SREK1: variants seen among roughly 807,000 people sequenced by gnomAD.
SREK1 encodes the protein splicing regulatory glutamine/lysine-rich protein 1.
In SREK1, 13 loss-of-function variants were observed where a neutral mutation model predicts 66.5. That is an observed-to-expected ratio of 0.20 (90% CI 0.13 to 0.31). SREK1 has a LOEUF of 0.31. Among genes scored for constraint, SREK1 ranks in the 10% least tolerant of loss-of-function variants. SREK1 has a pLI of 1.00. For missense variants in SREK1, 607 were observed against 769.6 expected, an observed-to-expected ratio of 0.79 and a Z score of 2.50; for synonymous variants, 265 against 263.5, an observed-to-expected ratio of 1.01 and a Z score of -0.05.
chr5:66,178,987 T>C lies in SREK1; in HGVS notation c.*119T>C. Reference sequence around the variant, plus strand: ...AGCATGAAGATAGGATCTAACAGCTTTTCCAGTTGTTAGATGACTTTGTGG... The same window carrying C: ...AGCATGAAGATAGGATCTAACAGCTCTTCCAGTTGTTAGATGACTTTGTGG... On this transcript the variant is annotated 3_prime_UTR_variant, in exon 12 of 12. Transcript: ENST00000334121. 1.8e-6 allele frequency: 2 copies of C among 1,140,834 alleles called. No homozygotes were observed. Among genetic ancestry groups the C allele is most frequent in the Non-Finnish European group, 2.3e-6 (2 of 860,116 alleles). 70.7% of individuals were successfully genotyped at this position (1,140,834 alleles called of 1,614,324 possible). A position where few individuals can be genotyped will look rare whatever the true frequency, so the allele number is the denominator to read the frequency against.
chr5:66,149,798 A>G (rs1561493006), intron 1 of SREK1, among the ~76,000 whole-genome samples: 1 of 152,212 alleles, frequency 6.6e-6, no homozygotes, highest in African/African-American at 2.4e-5. Flanking sequence ...AAGGACAGAA[A>G]CAGTGTTACC....
intron 1 of SREK1, among the ~76,000 whole-genome samples, chr5:66,145,597 CTTT>C (rs1319547251): frequency 6.6e-6 from 1 of 151,882 alleles, no homozygotes; most frequent in East Asian, 1.9e-4. Flanking sequence ...TTAAAATTTA[CTTT>C]TTAAGTTTTT....
chr5:66,144,336 T>C lies in SREK1; in HGVS notation c.-41T>C, dbSNP rs997643357. ...TCCCGGCTCCGTCGCTGACGCGTCG[T>C]AGACGTTGGGGAGCGGGAAGGCAAC... On this transcript the variant is annotated 5_prime_UTR_variant, in exon 1 of 12. Coordinates refer to ENST00000334121, the MANE Select transcript of SREK1 (RefSeq NM_001077199.3). The C allele has an allele frequency of 4.1e-6, 6 of 1,469,766 alleles. No homozygotes were observed. In the African/African-American group the frequency reaches 7.1e-5, roughly 17 times the overall value. 91.0% of individuals were successfully genotyped at this position (1,469,766 alleles called of 1,614,324 possible).
chr5:66,171,096 T>TA, intron 9 of SREK1, 149 bp downstream of exon 9: 2 of 997,472 alleles, frequency 2.0e-6, no homozygotes, highest in Non-Finnish European at 2.8e-6. Context: ...AGTAAACATT[T>TA]CTCTAGCAGA....
chr5:66,153,162 G>C (rs144315804), intron 1 of SREK1, among the ~76,000 whole-genome samples: 10 of 152,242 alleles, frequency 6.6e-5, no homozygotes, highest in African/African-American at 2.4e-4. Context: ...CACTTTTTGA[G>C]TTAATTTTTG....
At position 66,162,173 on chromosome 5, in the gene SREK1, C is replaced by T. The variant is rs767637791; in HGVS notation, c.476C>T (p.Thr159Ile). The stretch of plus-strand genomic sequence containing the variant: ...GCAGCACTAGACCCCAACATTGCAA[C>T]ACTTGGAGAGATACCACAGCCACCA... ...PAAALDPNIA[T>I]LGEIPQPPLM... Residue 159 changes from threonine to isoleucine, a missense_variant, in exon 4 of 12, where the codon ACA becomes ATA. Around this residue, in one of 5 missense-constraint regions of SREK1, gnomAD observed 99 missense variants for 186.6 expected, o/e 0.53. Transcript: ENST00000334121. 2 of 1,614,082 alleles carry T rather than the reference C, an allele frequency of 1.2e-6. No individual in the cohort carries two copies. The highest frequency in any genetic ancestry group is 1.7e-6 in the Non-Finnish European group (2 of 1,179,984).
At chr5:66,164,090 ATATTT>A in intron 6 of SREK1, 168 bp downstream of exon 6, 3 of 755,872 alleles carry the variant, frequency 4.0e-6, no homozygotes, top group Non-Finnish European at 6.0e-6. Context: ...AACTTAGCCC[ATATTT>A]TATCTCTTTC....
intron 9 of SREK1, among the ~76,000 whole-genome samples, chr5:66,171,737 T>G (rs1192353560): frequency 6.6e-6 from 1 of 151,252 alleles, no homozygotes; most frequent in Admixed American, 6.6e-5. Flanking sequence ...TTTTTAAAAC[T>G]TGTGCTTTAG....
chr5:66,144,954 T>C, intron 1 of SREK1: 2 of 989,642 alleles, frequency 2.0e-6, no homozygotes, highest in Non-Finnish European at 2.4e-6. Context: ...CACAGTCCAG[T>C]TTTTAAGGCC....
rs1746295568 is a variant in SREK1, at chr5:66,178,959, T to C, written c.*91T>C. 4 of 1,355,988 alleles carry C rather than the reference T, an allele frequency of 2.9e-6. No homozygotes were observed. The highest frequency in any genetic ancestry group is 2.9e-6 in the Non-Finnish European group (3 of 1,031,384). The allele number at this position is 1,355,988 out of a possible 1,614,324, so 84.0% of individuals were successfully genotyped here. On this transcript the variant is annotated 3_prime_UTR_variant, in exon 12 of 12. Transcript: ENST00000334121. ...AGATGTAAACAGGAAAGAAATCTAGTTGAGCATGAAGATAGGATCTAACAG... is the reference window on the plus strand; with the variant it reads ...AGATGTAAACAGGAAAGAAATCTAGCTGAGCATGAAGATAGGATCTAACAG...
At chr5:66,165,968 A>G (rs1414416662) in intron 7 of SREK1, 1 of 152,238 alleles carries the variant, frequency 6.6e-6, no homozygotes, top group African/African-American at 2.4e-5. Flanking sequence ...TATACACCAG[A>G]TATACTAGTG....
intron 3 of SREK1, among the ~76,000 whole-genome samples, chr5:66,160,520 T>G (rs1355866429): frequency 6.6e-6 from 1 of 152,162 alleles, no homozygotes; most frequent in Non-Finnish European, 1.5e-5. Context: ...TGAGTGAGGG[T>G]CATGAGTGTT....
chr5:66,179,632 A>C lies in SREK1; in HGVS notation c.*764A>C, dbSNP rs1390427453. On this transcript the variant is annotated 3_prime_UTR_variant, in exon 12 of 12. Coordinates refer to ENST00000334121, the MANE Select transcript of SREK1 (RefSeq NM_001077199.3). The stretch of plus-strand genomic sequence containing the variant: ...GAGCATTTCTTTTTAAATTTTCTTG[A>C]CATTTCCAAGCTTATTATGAATAAT... 6.6e-6 allele frequency: 1 copy of C among 152,468 alleles called. No individual in the cohort carries two copies. The highest frequency in any genetic ancestry group is 1.9e-4 in the East Asian group (1 of 5,198). 9.4% of individuals were successfully genotyped at this position (152,468 alleles called of 1,614,324 possible). A position where few individuals can be genotyped will look rare whatever the true frequency, so the allele number is the denominator to read the frequency against.
intron 11 of SREK1, 152 bp downstream of exon 11, chr5:66,177,810 T>A (rs558454091): frequency 4.7e-5 from 28 of 597,772 alleles, no homozygotes; most frequent in African/African-American, 3.3e-4. Context: ...ATTGGTAATT[T>A]AAAAAAACTA....
chr5:66,148,333 T>C (rs1484677067), intron 1 of SREK1, among the ~76,000 whole-genome samples: 2 of 149,664 alleles, frequency 1.3e-5, no homozygotes, highest in Admixed American at 1.3e-4. Flanking sequence ...ACTGATAAAA[T>C]ACTGGACATA....
At chr5:66,154,259 T>A (rs1428894450) in intron 2 of SREK1, among the ~76,000 whole-genome samples, 1 of 152,218 alleles carries the variant, frequency 6.6e-6, no homozygotes. Flanking sequence ...TTAAATTTTA[T>A]GACCTAAACT....
At chr5:66,165,944 T>G (rs1006423888) in intron 7 of SREK1, 1 of 152,200 alleles carries the variant, frequency 6.6e-6, no homozygotes, top group Non-Finnish European at 1.5e-5. Context: ...CTTTCTTAGA[T>G]TCTAGTAAAC....
At chr5:66,168,190 A>T (rs1019275582) in intron 7 of SREK1, 1 of 152,156 alleles carries the variant, frequency 6.6e-6, no homozygotes, top group Admixed American at 6.5e-5. Flanking sequence ...GTAGATGAGT[A>T]GTTTAAATGG....
At position 66,177,628 on chromosome 5, in the gene SREK1, G is replaced by C; in HGVS notation, c.1695G>C (p.Glu565Asp). ...RKSSNDRDGK[E>D]KLEKNSTSLK... ...GTTCTAATGATAGAGATGGGAAGGA[G>C]AAGTTGGAGAAGAACAGTACTTCAC... Residue 565 changes from glutamate to aspartate, a missense_variant, in exon 11 of 12, where the codon GAG (glutamate) becomes GAC (aspartate). Physicochemically the swap from Glu to Asp is conservative, Grantham distance 45. Coordinates refer to ENST00000334121, the MANE Select transcript of SREK1 (RefSeq NM_001077199.3). 2.5e-6 allele frequency: 4 copies of C among 1,606,096 alleles called. No individual in the cohort carries two copies. The highest frequency in any genetic ancestry group is 3.4e-6 in the Non-Finnish European group (4 of 1,177,274).
Sources: gnomAD v4.1 joint callset for allele counts (sites outside exome capture counted in the v4.1 genomes callset) on GRCh38, gnomAD v4.1.1 for gene constraint, gnomAD v4.1.1 regional missense constraint, MANE v1.5 for transcripts, NCBI Gene and HGNC (gene_info 2026-07-23, HGNC 2026-07-21) for gene names.